The following INHBB variants were observed in gnomAD, a reference collection of about 807,000 sequenced individuals.
The protein encoded by INHBB is inhibin subunit beta B, also known as inhibin beta B chain.
Under a neutral mutation model 28.9 loss-of-function variants are expected in INHBB, and 8 were observed. That is an observed-to-expected ratio of 0.28 (90% CI 0.16 to 0.50). The LOEUF is 0.50. Ranked by LOEUF, INHBB falls within the 20% of genes least tolerant of loss-of-function variation. The probability of loss-of-function intolerance (pLI) is 0.98; values close to 1 mark genes in which losing one functional copy is unlikely to be tolerated. For missense variants in INHBB, 499 were observed against 597.8 expected, an observed-to-expected ratio of 0.83 and a Z score of 1.72; for synonymous variants, 293 against 262.7, an observed-to-expected ratio of 1.12 and a Z score of -1.12.
In INHBB at chr2:120,349,459, A is replaced by T; in HGVS notation, c.809A>T (p.Glu270Val). ...CCGGTGTTCGTGGACCCAGGCGAAG[A>T]GTCGCACCGGCCCTTTGTGGTGGTG... is the stretch of plus-strand genomic sequence containing the variant. ...VVPVFVDPGE[E>V]SHRPFVVVQA... Residue 270 changes from glutamate to valine, a missense_variant, in exon 2 of 2, where the codon GAG becomes GTG. By Grantham distance (121) the Glu-to-Val change is moderately radical. Around this residue, in one of 2 missense-constraint regions of INHBB, gnomAD observed 385 missense variants for 415.2 expected, o/e 0.93. Transcript: ENST00000295228. The surrounding 1 kb of genome is among the most constrained non-coding windows in gnomAD (Gnocchi z 5.6). 6.2e-7 allele frequency: 1 copy of T among 1,613,728 alleles called. No homozygotes were observed. Among genetic ancestry groups the T allele is most frequent in the Non-Finnish European group, 8.5e-7 (1 of 1,180,020 alleles).
At chr2:120,347,551 G>T (rs1021898380) in intron 1 of INHBB, among the ~76,000 whole-genome samples, 2 of 152,234 alleles carry the variant, frequency 1.3e-5, no homozygotes, top group Non-Finnish European at 2.9e-5. Flanking sequence ...TTCAGGACTT[G>T]AATGAGCCAG....
Position 120,346,656 on chromosome 2 carries a change from T to A in INHBB, c.448+20T>A. 2 of 1,411,574 alleles carry A rather than the reference T, an allele frequency of 1.4e-6. No homozygotes were observed. Among genetic ancestry groups the A allele is most frequent in the Non-Finnish European group, 1.8e-6 (2 of 1,088,888 alleles). The allele number at this position is 1,411,574 out of a possible 1,614,324, so 87.4% of individuals were successfully genotyped here. A position where few individuals can be genotyped will look rare whatever the true frequency, so the allele number is the denominator to read the frequency against. Reference sequence around the variant, plus strand: ...AGACAGGTGGGTCCGGCCCTCCGGCTGTCTGCCGCGGTCCCCGCTCGCTCC... The same window carrying A: ...AGACAGGTGGGTCCGGCCCTCCGGCAGTCTGCCGCGGTCCCCGCTCGCTCC... On this transcript the variant is annotated intron_variant, in intron 1 of 1. Coordinates refer to ENST00000295228, the MANE Select transcript of INHBB (RefSeq NM_002193.4).
chr2:120,346,188 C>G lies in INHBB; in HGVS notation c.-1C>G. 5 of 1,181,254 alleles carry G rather than the reference C, an allele frequency of 4.2e-6. No homozygotes were observed. The highest frequency in any genetic ancestry group is 3.1e-6 in the Non-Finnish European group (3 of 956,422). 73.2% of individuals were successfully genotyped at this position (1,181,254 alleles called of 1,614,324 possible). On this transcript the variant is annotated 5_prime_UTR_variant, in exon 1 of 2. Coordinates refer to ENST00000295228, the MANE Select transcript of INHBB (RefSeq NM_002193.4). ...GGCGCCCTCGTCGCCAGCGGCGCAC[C>G]ATGGACGGGCTGCCCGGTCGGGCGC...
Position 120,349,879 on chromosome 2 carries a change from G to GC in INHBB, c.*6dup. ...GAGGAGTGCGGCTGCGCCTGACAGT[G>GC]CAAGGCAGGGGCACGGTGGTGGGGC... On this transcript the variant is annotated 3_prime_UTR_variant, in exon 2 of 2. Coordinates refer to ENST00000295228, the MANE Select transcript of INHBB (RefSeq NM_002193.4). The surrounding 1 kb of genome is among the most constrained non-coding windows in gnomAD (Gnocchi z 5.6). The GC allele has an allele frequency of 3.1e-6, 5 of 1,602,704 alleles. No homozygotes were observed. Among genetic ancestry groups the GC allele is most frequent in the Non-Finnish European group, 4.3e-6 (5 of 1,172,826 alleles).
Position 120,351,228 on chromosome 2 carries a change from G to A in INHBB, c.*1354G>A, listed in dbSNP as rs576365642. On this transcript the variant is annotated 3_prime_UTR_variant, in exon 2 of 2. Coordinates refer to ENST00000295228, the MANE Select transcript of INHBB (RefSeq NM_002193.4). ...CGTGAACTATGCAATTTAAAGGGTT[G>A]ACCCACACTAGACGAAACTGGACTC... 6.5e-6 allele frequency: 1 copy of A among 152,770 alleles called. No homozygotes were observed. The highest frequency in any genetic ancestry group is 1.9e-4 in the East Asian group (1 of 5,186). 9.5% of individuals were successfully genotyped at this position (152,770 alleles called of 1,614,324 possible). A position where few individuals can be genotyped will look rare whatever the true frequency, so the allele number is the denominator to read the frequency against.
rs780189989 is a variant in INHBB at position 120,346,440 on chromosome 2, C to T, written c.252C>T (p.Ser84=). The change falls in exon 1 of 2, where the codon AGC becomes AGT. Residue 84 remains serine, a synonymous_variant. Coordinates refer to ENST00000295228, the MANE Select transcript of INHBB (RefSeq NM_002193.4). ...FLEAVKRHIL[S]RLQMRGRPNI... ...AGGCGGTGAAGCGGCACATCTTGAG[C>T]CGCCTGCAGATGCGGGGCCGGCCCA... is the stretch of plus-strand genomic sequence containing the variant. The T allele has an allele frequency of 1.3e-5, 20 of 1,553,824 alleles. No homozygotes were observed. The highest frequency in any genetic ancestry group is 2.5e-5 in the East Asian group (1 of 40,250).
Position 120,349,093 on chromosome 2 carries a change from C to T in INHBB, c.449-6C>T. 1 of 1,591,066 alleles carries T rather than the reference C, an allele frequency of 6.3e-7. No homozygotes were observed. The highest frequency in any genetic ancestry group is 8.6e-7 in the Non-Finnish European group (1 of 1,165,894). ...TAACTTGGCTCGCCCTTCCCCTTTT[C>T]CGCAGATGGCCTCGCCTCCTCCCGG... On this transcript the variant is annotated splice_region_variant and splice_polypyrimidine_tract_variant and intron_variant, in intron 1 of 1. Coordinates refer to ENST00000295228, the MANE Select transcript of INHBB (RefSeq NM_002193.4). This position sits in a 1 kb window ranked among gnomAD's most constrained non-coding sequence, Gnocchi z 5.6.
Position 120,346,588 on chromosome 2 carries a change from G to T in INHBB, c.400G>T (p.Ala134Ser). Reference sequence around the variant, plus strand: ...CCTCGACGGCCACGCCAGCCCGGGCGCCGACGGCCAGGAGCGCGTTTCCGA... The same window carrying T: ...CCTCGACGGCCACGCCAGCCCGGGCTCCGACGGCCAGGAGCGCGTTTCCGA... Reference protein sequence around the residue: ...PHLDGHASPGADGQERVSEII... With the variant: ...PHLDGHASPGSDGQERVSEII... Residue 134 changes from alanine to serine, a missense_variant, in exon 1 of 2, where the codon GCC becomes TCC. Ala to Ser is a moderately conservative substitution (Grantham distance 99). Transcript: ENST00000295228. 6.8e-7 allele frequency: 1 copy of T among 1,461,014 alleles called. No individual in the cohort carries two copies. The highest frequency in any genetic ancestry group is 1.5e-5 in the African/African-American group (1 of 68,012). The allele number at this position is 1,461,014 out of a possible 1,614,324, so 90.5% of individuals were successfully genotyped here.
Position 120,350,317 on chromosome 2 carries a change from G to A in INHBB, c.*443G>A, listed in dbSNP as rs190077069. 199 of 178,048 alleles carry A rather than the reference G, an allele frequency of 1.1e-3. 1 individual carries two copies. Among genetic ancestry groups the A allele is most frequent in the Non-Finnish European group, 2.2e-3 (185 of 83,664 alleles). The allele number at this position is 178,048 out of a possible 1,614,324, so 11.0% of individuals were successfully genotyped here. A position where few individuals can be genotyped will look rare whatever the true frequency, so the allele number is the denominator to read the frequency against. On this transcript the variant is annotated 3_prime_UTR_variant, in exon 2 of 2. Coordinates refer to ENST00000295228, the MANE Select transcript of INHBB (RefSeq NM_002193.4). The stretch of plus-strand genomic sequence containing the variant: ...GCACAAAGACAGAGACGCAGAGAGA[G>A]AGAGAGAGCCACGGAGAGGAAAAGC...
At position 120,349,587 on chromosome 2, in the gene INHBB, C is replaced by A. The variant is rs1357534120; in HGVS notation, c.937C>A (p.Arg313Ser). 1.9e-6 allele frequency: 3 copies of A among 1,614,020 alleles called. No homozygotes were observed. Among genetic ancestry groups the A allele is most frequent in the African/African-American group, 2.7e-5 (2 of 74,932 alleles). The change falls in exon 2 of 2, where the codon CGC becomes AGC. Residue 313 changes from arginine to serine, a missense_variant. Around this residue, in one of 2 missense-constraint regions of INHBB, gnomAD observed 114 missense variants for 182.6 expected, o/e 0.62. Transcript: ENST00000295228. The surrounding 1 kb of genome is among the most constrained non-coding windows in gnomAD (Gnocchi z 5.6). ...CCRQQFFIDF[R>S]LIGWNDWIIA... ...CAGGCAACAGTTCTTCATTGACTTC[C>A]GCCTCATCGGCTGGAACGACTGGAT...
In INHBB at chr2:120,346,420, G is replaced by A; in HGVS notation, c.232G>A (p.Val78Met). The stretch of plus-strand genomic sequence containing the variant: ...AGTGGACGGCGACTTCCTGGAGGCG[G>A]TGAAGCGGCACATCTTGAGCCGCCT... ...GRVDGDFLEA[V>M]KRHILSRLQM... Residue 78 changes from valine to methionine, a missense_variant, in exon 1 of 2, where the codon GTG (valine) becomes ATG (methionine). Around this residue, in one of 2 missense-constraint regions of INHBB, gnomAD observed 385 missense variants for 415.2 expected, o/e 0.93. Transcript: ENST00000295228. 2 of 1,548,762 alleles carry A rather than the reference G, an allele frequency of 1.3e-6. No individual in the cohort carries two copies. The highest frequency in any genetic ancestry group is 8.7e-7 in the Non-Finnish European group (1 of 1,155,106).
chr2:120,349,379 G>A lies in INHBB; in HGVS notation c.729G>A (p.Glu243=). Reference sequence around the variant, plus strand: ...TCCAGGCCTTGTTTGAGCGGGGCGAGCGGCGACTCAACCTAGACGTGCAGT... The same window carrying A: ...TCCAGGCCTTGTTTGAGCGGGGCGAACGGCGACTCAACCTAGACGTGCAGT... ...EAIQALFERG[E]RRLNLDVQCD... The change falls in exon 2 of 2, where the codon GAG becomes GAA. Residue 243 remains glutamate (E), a synonymous_variant. Transcript: ENST00000295228. The surrounding 1 kb of genome is among the most constrained non-coding windows in gnomAD (Gnocchi z 5.6). 2 of 1,613,988 alleles carry A rather than the reference G, an allele frequency of 1.2e-6. No homozygotes were observed. The highest frequency in any genetic ancestry group is 2.2e-5 in the East Asian group (1 of 44,874).
intron 1 of INHBB, 137 bp from the exon 2 acceptor site, chr2:120,348,961 GA>G: frequency 9.8e-7 from 1 of 1,022,300 alleles, no homozygotes. Context: ...CTGGCCCCAA[GA>G]ATGGTATTTC....
Position 120,351,295 on chromosome 2 carries a change from T to G in INHBB, c.*1421T>G, listed in dbSNP as rs1691253574. On this transcript the variant is annotated 3_prime_UTR_variant, in exon 2 of 2. Coordinates refer to ENST00000295228, the MANE Select transcript of INHBB (RefSeq NM_002193.4). The stretch of plus-strand genomic sequence containing the variant: ...ATTTTTTATACTTGAAATGAAATCC[T>G]TTGCTTCTTTTTTAAGCGAATGATT... The G allele has an allele frequency of 6.6e-6, 1 of 152,378 alleles. No homozygotes were observed. The highest frequency in any genetic ancestry group is 2.4e-5 in the African/African-American group (1 of 41,448). 9.4% of individuals were successfully genotyped at this position (152,378 alleles called of 1,614,324 possible). A position where few individuals can be genotyped will look rare whatever the true frequency, so the allele number is the denominator to read the frequency against.
chr2:120,347,527 A>ACTC (rs1691181061), intron 1 of INHBB, among the ~76,000 whole-genome samples: 1 of 151,292 alleles, frequency 6.6e-6, no homozygotes, highest in African/African-American at 2.4e-5. Context: ...AGTGCTTTCG[A>ACTC]CTCCGCTGTC....
chr2:120,348,201 G>A (rs1350282751), intron 1 of INHBB, among the ~76,000 whole-genome samples: 1 of 105,620 alleles, frequency 9.5e-6, no homozygotes, highest in African/African-American at 3.9e-5. Flanking sequence ...TGACCACAGA[G>A]TTTCATTATT....
Position 120,349,588 on chromosome 2 carries a change from G to T in INHBB, c.938G>T (p.Arg313Leu), listed in dbSNP as rs1317023671. 1 of 1,614,084 alleles carries T rather than the reference G, an allele frequency of 6.2e-7. No individual in the cohort carries two copies. Among genetic ancestry groups the T allele is most frequent in the South Asian group, 1.1e-5 (1 of 91,082 alleles). ...AGGCAACAGTTCTTCATTGACTTCC[G>T]CCTCATCGGCTGGAACGACTGGATC... is the stretch of plus-strand genomic sequence containing the variant. ...CCRQQFFIDF[R>L]LIGWNDWIIA... The change falls in exon 2 of 2, where the codon CGC becomes CTC. Residue 313 changes from arginine to leucine, a missense_variant. Physicochemically the swap from Arg to Leu is moderately radical, Grantham distance 102. Around this residue, in one of 2 missense-constraint regions of INHBB, gnomAD observed 114 missense variants for 182.6 expected, o/e 0.62. Transcript: ENST00000295228. This position sits in a 1 kb window ranked among gnomAD's most constrained non-coding sequence, Gnocchi z 5.6.
chr2:120,349,981 C>A lies in INHBB; in HGVS notation c.*107C>A. ...ACACGGTGGGCTGAGTACAGTCATT[C>A]TGTTGGGCTGTGGAGATAGTGCCAG... On this transcript the variant is annotated 3_prime_UTR_variant, in exon 2 of 2. Coordinates refer to ENST00000295228, the MANE Select transcript of INHBB (RefSeq NM_002193.4). The surrounding 1 kb of genome is among the most constrained non-coding windows in gnomAD (Gnocchi z 5.6). The A allele has an allele frequency of 8.9e-7, 1 of 1,117,912 alleles. No homozygotes were observed. Among genetic ancestry groups the A allele is most frequent in the Non-Finnish European group, 1.3e-6 (1 of 786,614 alleles). 69.2% of individuals were successfully genotyped at this position (1,117,912 alleles called of 1,614,324 possible).
In INHBB at chr2:120,346,390, G is replaced by A; in HGVS notation, c.202G>A (p.Gly68Ser). Reference protein sequence around the residue: ...CGGFRRPEELGRVDGDFLEAV... With the variant: ...CGGFRRPEELSRVDGDFLEAV... ...CGGCTTCCGGCGGCCAGAGGAGCTC[G>A]GCCGAGTGGACGGCGACTTCCTGGA... Residue 68 changes from glycine to serine, a missense_variant, in exon 1 of 2, where the codon GGC becomes AGC. Around this residue, in one of 2 missense-constraint regions of INHBB, gnomAD observed 385 missense variants for 415.2 expected, o/e 0.93. Transcript: ENST00000295228. The A allele has an allele frequency of 6.5e-7, 1 of 1,531,576 alleles. No individual in the cohort carries two copies. The highest frequency in any genetic ancestry group is 1.4e-5 in the African/African-American group (1 of 70,506). 94.9% of individuals were successfully genotyped at this position (1,531,576 alleles called of 1,614,324 possible).
Sources: gnomAD v4.1 joint callset for allele counts (sites outside exome capture counted in the v4.1 genomes callset) on GRCh38, gnomAD v4.1.1 for gene constraint, gnomAD v4.1.1 regional missense constraint, Gnocchi (gnomAD v3.1) non-coding constraint, MANE v1.5 for transcripts, NCBI Gene and HGNC (gene_info 2026-07-23, HGNC 2026-07-21) for gene names.